PRLR: variants seen among roughly 807,000 people sequenced by gnomAD.
PRLR encodes the protein prolactin receptor.
A neutral mutation model predicts 40.2 loss-of-function variants in PRLR; 13 were observed. The observed-to-expected ratio is 0.32, with a 90% confidence interval of 0.21 to 0.51. The LOEUF (loss-of-function observed/expected upper bound fraction) is 0.51, where lower values mean the gene tolerates loss of function less well. Ranked by LOEUF, PRLR falls within the 20% of genes least tolerant of loss-of-function variation. The pLI is 0.97. For missense variants in PRLR, 656 were observed against 747.3 expected, an observed-to-expected ratio of 0.88 and a Z score of 1.42; for synonymous variants, 269 against 278.7, an observed-to-expected ratio of 0.97 and a Z score of 0.35.
intron 1 of PRLR, among the ~76,000 whole-genome samples, chr5:35,188,238 G>A (rs1164490754): frequency 6.6e-6 from 1 of 152,122 alleles, no homozygotes; most frequent in Admixed American, 6.5e-5. Context: ...CTCTTTACCT[G>A]GAATTCATTT....
chr5:35,122,459 G>A (rs1773323408), intron 1 of PRLR, among the ~76,000 whole-genome samples: 1 of 152,152 alleles, frequency 6.6e-6, no homozygotes, highest in Admixed American at 6.6e-5. Context: ...GTGTCCATGT[G>A]TTCTCATCGT....
At chr5:35,069,113 T>G (rs941107298) in intron 7 of PRLR, among the ~76,000 whole-genome samples, 5 of 152,214 alleles carry the variant, frequency 3.3e-5, no homozygotes. Context: ...AATCCTTTCA[T>G]TATTCTTTTT....
intron 1 of PRLR, among the ~76,000 whole-genome samples, chr5:35,130,821 T>C (rs1773645665): frequency 6.6e-6 from 1 of 152,116 alleles, no homozygotes; most frequent in Non-Finnish European, 1.5e-5. Flanking sequence ...CTTAATCCAA[T>C]AGGACGGATG....
At chr5:35,114,427 G>A (rs545237961) in intron 2 of PRLR, among the ~76,000 whole-genome samples, 63 of 152,304 alleles carry the variant, frequency 4.1e-4, no homozygotes, top group African/African-American at 1.3e-3. Flanking sequence ...CTATTGAAGC[G>A]TGAACCACTG....
chr5:35,134,500 A>C (rs1773789095), intron 1 of PRLR, among the ~76,000 whole-genome samples: 1 of 152,246 alleles, frequency 6.6e-6, no homozygotes, highest in Non-Finnish European at 1.5e-5. Flanking sequence ...ACAAAGTTGA[A>C]GATTAAACTA....
At chr5:35,209,476 G>C (rs570120721) in intron 1 of PRLR, among the ~76,000 whole-genome samples, 1 of 152,092 alleles carries the variant, frequency 6.6e-6, no homozygotes, top group African/African-American at 2.4e-5. Context: ...AATCCAAAGA[G>C]TACTTAAGAC....
chr5:35,225,897 G>A (rs552524399), intron 1 of PRLR, among the ~76,000 whole-genome samples: 4 of 152,284 alleles, frequency 2.6e-5, no homozygotes, highest in African/African-American at 9.6e-5. Flanking sequence ...CCCCAGGCTG[G>A]TCTCGAATTC....
At chr5:35,114,799 C>G (rs963886892) in intron 2 of PRLR, among the ~76,000 whole-genome samples, 1 of 152,148 alleles carries the variant, frequency 6.6e-6, no homozygotes, top group African/African-American at 2.4e-5. Flanking sequence ...GCTACAAAGC[C>G]GACCCCAGTG....
chr5:35,173,481 A>G (rs1418521601), intron 1 of PRLR, among the ~76,000 whole-genome samples: 2 of 152,210 alleles, frequency 1.3e-5, no homozygotes, highest in African/African-American at 2.4e-5. Context: ...AGCTCAGCTG[A>G]AAGAATCTGG....
At chr5:35,090,721 G>T (rs1484041812) in intron 2 of PRLR, among the ~76,000 whole-genome samples, 1 of 151,142 alleles carries the variant, frequency 6.6e-6, no homozygotes, top group East Asian at 1.9e-4. Flanking sequence ...GCTCCTTGTG[G>T]GACGTACTCA....
rs1163496010 is a variant in PRLR at position 35,062,857 on chromosome 5, T to C, written c.*2232A>G. 6.6e-6 allele frequency: 1 copy of C among 152,236 alleles called. No individual in the cohort carries two copies. The highest frequency in any genetic ancestry group is 1.5e-5 in the Non-Finnish European group (1 of 68,040). The allele number at this position is 152,236 out of a possible 1,614,324, so 9.4% of individuals were successfully genotyped here. On this transcript the variant is annotated 3_prime_UTR_variant, in exon 10 of 10. Coordinates refer to ENST00000618457, the MANE Select transcript of PRLR (RefSeq NM_000949.7). ...CATAATGTGAATCTTAAACTACTGATATGTTTCTTTTTTTGCCTGCTTACA... is the reference window on the plus strand; with the variant it reads ...CATAATGTGAATCTTAAACTACTGACATGTTTCTTTTTTTGCCTGCTTACA...
At chr5:35,080,986 A>G (rs1157566631) in intron 5 of PRLR, among the ~76,000 whole-genome samples, 2 of 145,602 alleles carry the variant, frequency 1.4e-5, no homozygotes, top group African/African-American at 5.1e-5. Flanking sequence ...GTGGGAATTG[A>G]ACAATGAGAA....
chr5:35,199,591 AATC>A (rs774299108), intron 1 of PRLR, among the ~76,000 whole-genome samples: 1 of 44,064 alleles, frequency 2.3e-5, no homozygotes, highest in African/African-American at 6.8e-5. Context: ...TTGAAAAAAA[AATC>A]ATCATCTAAA....
intron 5 of PRLR, chr5:35,081,446 TA>T: frequency 5.2e-6 from 1 of 191,134 alleles, no homozygotes; most frequent in Non-Finnish European, 1.1e-5. Flanking sequence ...GCCATCTGGA[TA>T]AACCTGCCAA....
At chr5:35,086,132 C>G in intron 4 of PRLR, 76 bp downstream of exon 4, 1 of 1,562,240 alleles carries the variant, frequency 6.4e-7, no homozygotes, top group Non-Finnish European at 8.7e-7. Context: ...TGCTGTCACT[C>G]AGAACCAGTG....
chr5:35,071,388 G>A (rs907720666), intron 6 of PRLR, among the ~76,000 whole-genome samples: 21 of 152,096 alleles, frequency 1.4e-4, no homozygotes, highest in Admixed American at 6.6e-4. Context: ...AAAGATATTC[G>A]GAAACATTGG....
At chr5:35,125,149 A>AT (rs1773416022) in intron 1 of PRLR, among the ~76,000 whole-genome samples, 1 of 152,200 alleles carries the variant, frequency 6.6e-6, no homozygotes, top group South Asian at 2.1e-4. Flanking sequence ...TTAGAGCTGG[A>AT]TTTTACAAGC....
At chr5:35,181,205 C>T (rs577795788) in intron 1 of PRLR, among the ~76,000 whole-genome samples, 1 of 152,288 alleles carries the variant, frequency 6.6e-6, no homozygotes, top group African/African-American at 2.4e-5. Context: ...TGGAATTCCA[C>T]TAGCCATTCA....
rs187804329 is a variant in PRLR at position 35,181,153 on chromosome 5, G to T, written c.-106+49115C>A. On this transcript the variant is annotated intron_variant, in intron 1 of 9. Transcript: ENST00000618457. ...TCCTCATAGCTTCCTGGTATGTATA[G>T]TTAAATATCTAGCAACCAGCTAACC... 3.0e-3 allele frequency among the ~76,000 whole-genome samples: 455 copies of T among 152,320 alleles called. 2 individuals carry two copies. Among genetic ancestry groups the T allele is most frequent in the Middle Eastern group, 3.4e-3 (1 of 294 alleles).
Sources: allele counts gnomAD v4.1 joint callset (sites outside exome capture counted in the v4.1 genomes callset), GRCh38; gene constraint gnomAD v4.1.1; transcripts MANE v1.5; gene names NCBI Gene and HGNC (gene_info 2026-07-23, HGNC 2026-07-21).